Variants in TCF3 observed in about 807,000 individuals in gnomAD.
TCF3 encodes the protein transcription factor 3.
Under a neutral mutation model 72.3 loss-of-function variants are expected in TCF3, and 54 were observed. That is an observed-to-expected ratio of 0.75 (90% CI 0.60 to 0.94). The LOEUF (loss-of-function observed/expected upper bound fraction) is 0.94, where lower values mean the gene tolerates loss of function less well. Ranked by LOEUF, TCF3 falls within the 40% of genes least tolerant of loss-of-function variation. The probability of loss-of-function intolerance (pLI) is 0.00; values close to 1 mark genes in which losing one functional copy is unlikely to be tolerated. For missense variants in TCF3, 1,078 were observed against 934.4 expected (o/e 1.15, Z -2.00); for synonymous variants, 525 against 412.6 (o/e 1.27, Z -3.30).
At chr19:1,619,073 G>A in intron 16 of TCF3, 38 bp downstream of exon 16, 1 of 1,598,622 alleles carries the variant, frequency 6.3e-7, no homozygotes, top group Middle Eastern at 1.7e-4. Context: ...TCCCCAACTG[G>A]AACCAGGAGT....
rs1170347141 is a variant in TCF3, at chr19:1,621,056, G to C, written c.1015-10C>G. ...GATCCGGGGAGTAGATCTGCGAGGAGGACCAGGAGAGATGGGCGGTCAGGG... is the reference window on the plus strand; with the variant it reads ...GATCCGGGGAGTAGATCTGCGAGGACGACCAGGAGAGATGGGCGGTCAGGG... On this transcript the variant is annotated splice_polypyrimidine_tract_variant and intron_variant, in intron 12 of 18. Coordinates refer to ENST00000262965, the MANE Select transcript of TCF3 (RefSeq NM_003200.5). 2 of 1,522,872 alleles carry C rather than the reference G, an allele frequency of 1.3e-6. No individual in the cohort carries two copies. The highest frequency in any genetic ancestry group is 1.8e-6 in the Non-Finnish European group (2 of 1,128,688). 94.3% of individuals were successfully genotyped at this position (1,522,872 alleles called of 1,614,324 possible). A position where few individuals can be genotyped will look rare whatever the true frequency, so the allele number is the denominator to read the frequency against.
rs1011623043 is a variant in TCF3, at chr19:1,610,900, G to A, written c.*807C>T. 2.6e-5 allele frequency: 4 copies of A among 153,088 alleles called. No homozygotes were observed. Among genetic ancestry groups the A allele is most frequent in the East Asian group, 1.2e-4 (1 of 8,364 alleles). 9.5% of individuals were successfully genotyped at this position (153,088 alleles called of 1,614,324 possible). On this transcript the variant is annotated 3_prime_UTR_variant, in exon 19 of 19. Coordinates refer to ENST00000262965, the MANE Select transcript of TCF3 (RefSeq NM_003200.5). ...AACAAAAGACCCGCCGCCTGTCCCC[G>A]TTCTGTCTGTGTGCAGTGGCTTCCG...
At chr19:1,633,426 C>T (rs947682709) in intron 3 of TCF3, among the ~76,000 whole-genome samples, 3 of 152,172 alleles carry the variant, frequency 2.0e-5, no homozygotes, top group African/African-American at 7.2e-5. Flanking sequence ...CTGTGACCGG[C>T]ACCACCTCAG....
chr19:1,610,630 G>A lies in TCF3; in HGVS notation c.*1077C>T, dbSNP rs1273889524. The A allele has an allele frequency of 1.3e-5, 3 of 231,126 alleles. No individual in the cohort carries two copies. The highest frequency in any genetic ancestry group is 6.6e-5 in the African/African-American group (3 of 45,170). 14.3% of individuals were successfully genotyped at this position (231,126 alleles called of 1,614,324 possible). A position where few individuals can be genotyped will look rare whatever the true frequency, so the allele number is the denominator to read the frequency against. On this transcript the variant is annotated 3_prime_UTR_variant, in exon 19 of 19. Transcript: ENST00000262965. ...TTTCAGAGAGCTGTGCAGGTTCCAAGGGAGAGCAGCTTAGGGGGGCCTGGG... is the reference window on the plus strand; with the variant it reads ...TTTCAGAGAGCTGTGCAGGTTCCAAAGGAGAGCAGCTTAGGGGGGCCTGGG...
At chr19:1,621,262 G>A (rs116208576) in intron 11 of TCF3, 71 bp from the exon 12 acceptor site, 30,285 of 1,490,054 alleles carry the variant, frequency 0.02, 398 homozygotes, top group Non-Finnish European at 0.025. Context: ...GCTCTCCTGC[G>A]TTCTGCCGTC....
chr19:1,629,469 T>A lies in TCF3; in HGVS notation c.299-2043A>T, dbSNP rs10413713. Among the ~76,000 whole-genome samples the A allele has an allele frequency of 4.5e-3, 686 of 150,810 alleles. 2 individuals carry two copies. Among genetic ancestry groups the A allele is most frequent in the African/African-American group, 0.016 (648 of 40,844 alleles). On this transcript the variant is annotated intron_variant, in intron 5 of 18. Coordinates refer to ENST00000262965, the MANE Select transcript of TCF3 (RefSeq NM_003200.5). Reference sequence around the variant, plus strand: ...TGAGGCCTCGGGGCTACGGAGGGGGTCAGCTGGCCAGGGCGAGCCCCCAGC... The same window carrying A: ...TGAGGCCTCGGGGCTACGGAGGGGGACAGCTGGCCAGGGCGAGCCCCCAGC...
Position 1,627,427 on chromosome 19 carries a change from C to T in TCF3, c.299-1G>A. On this transcript the variant is annotated splice_acceptor_variant, in intron 5 of 18. Transcript: ENST00000262965. LOFTEE classifies it high-confidence loss of function. ...TAGGCGCCCCGCTCACCGCTCTTGC[C>T]TGCAAGGGGAGAAGGAAGGTTAGTG... The T allele has an allele frequency of 6.2e-7, 1 of 1,611,862 alleles. No homozygotes were observed. Among genetic ancestry groups the T allele is most frequent in the Non-Finnish European group, 8.5e-7 (1 of 1,179,622 alleles).
intron 3 of TCF3, among the ~76,000 whole-genome samples, chr19:1,645,485 C>A (rs1194752473): frequency 1.3e-5 from 2 of 152,204 alleles, no homozygotes; most frequent in Non-Finnish European, 2.9e-5. Flanking sequence ...TAGCCCGCCC[C>A]GCCGGCCGGT....
intron 5 of TCF3, among the ~76,000 whole-genome samples, chr19:1,630,937 G>T (rs747060448): frequency 4.6e-5 from 7 of 152,252 alleles, no homozygotes; most frequent in Non-Finnish European, 1.0e-4. Context: ...ACGGGACACT[G>T]TCCCAGTCGC....
At position 1,621,120 on chromosome 19, in the gene TCF3, C is replaced by A. The variant is rs1405451427; in HGVS notation, c.1014+13G>T. The A allele has an allele frequency of 3.2e-6, 5 of 1,539,408 alleles. No individual in the cohort carries two copies. Among genetic ancestry groups the A allele is most frequent in the Non-Finnish European group, 4.4e-6 (5 of 1,141,240 alleles). ...GTCACTTGCCTGGCCACCCCCCATG[C>A]CCCACGCCTCACCGAGGCCAGTGCT... On this transcript the variant is annotated intron_variant, in intron 12 of 18. Transcript: ENST00000262965.
At chr19:1,643,557 C>T (rs1364765630) in intron 3 of TCF3, among the ~76,000 whole-genome samples, 4 of 152,008 alleles carry the variant, frequency 2.6e-5, no homozygotes, top group Admixed American at 1.3e-4. Context: ...TCTCAGTCAC[C>T]CAGGCTGGAG....
chr19:1,636,342 T>A (rs1473943616), intron 3 of TCF3, among the ~76,000 whole-genome samples: 1 of 152,124 alleles, frequency 6.6e-6, no homozygotes, highest in Non-Finnish European at 1.5e-5. Flanking sequence ...GTATTTTTAG[T>A]AGAGACGGGG....
rs201769197 is a variant in TCF3 at position 1,619,491 on chromosome 19, T to C, written c.1168-17A>G. The C allele has an allele frequency of 5.3e-5, 77 of 1,458,046 alleles. No homozygotes were observed. The highest frequency in any genetic ancestry group is 6.7e-5 in the Non-Finnish European group (72 of 1,072,234). 90.3% of individuals were successfully genotyped at this position (1,458,046 alleles called of 1,614,324 possible). The stretch of plus-strand genomic sequence containing the variant: ...CTTACTCTGCTGCAGGGTGGGGGGA[T>C]GGGTGGTGAGGGGCCCAAGCCGAGG... On this transcript the variant is annotated splice_polypyrimidine_tract_variant and intron_variant, in intron 14 of 18. Transcript: ENST00000262965.
chr19:1,639,617 T>A (rs2064949389), intron 3 of TCF3, among the ~76,000 whole-genome samples: 1 of 151,902 alleles, frequency 6.6e-6, no homozygotes, highest in Non-Finnish European at 1.5e-5. Context: ...GCAGAGGAGC[T>A]CTGCGTCCTC....
intron 2 of TCF3, among the ~76,000 whole-genome samples, chr19:1,649,358 G>A (rs1272478069): frequency 6.6e-6 from 1 of 152,258 alleles, no homozygotes; most frequent in East Asian, 1.9e-4. Context: ...CCCGTATGGG[G>A]CAGGTTGTGT....
intron 6 of TCF3, 148 bp from the exon 7 acceptor site, chr19:1,625,856 G>T: frequency 9.6e-7 from 1 of 1,036,306 alleles, no homozygotes; most frequent in Non-Finnish European, 1.3e-6. Flanking sequence ...GTTTCTCTGT[G>T]ACACCTGCTG....
intron 18 of TCF3, 151 bp from the exon 19 acceptor site, chr19:1,612,000 T>C (rs1261304193): frequency 5.5e-6 from 4 of 727,216 alleles, no homozygotes; most frequent in Non-Finnish European, 6.4e-6. Flanking sequence ...CCTCCTTCCT[T>C]GAGAAGGCTG....
intron 18 of TCF3, among the ~76,000 whole-genome samples, chr19:1,612,633 T>C (rs772653647): frequency 6.1e-5 from 9 of 148,220 alleles, no homozygotes; most frequent in African/African-American, 1.5e-4. Context: ...CACAGCAGTG[T>C]GGGTACACGG....
intron 1 of TCF3, chr19:1,651,059 A>G (rs887736507): frequency 3.5e-5 from 8 of 231,478 alleles, no homozygotes; most frequent in African/African-American, 6.6e-5. Flanking sequence ...CCTGCCCTCC[A>G]TGAGCGGGGA....
Sources: gnomAD v4.1 joint callset for allele counts (sites outside exome capture counted in the v4.1 genomes callset) on GRCh38, gnomAD v4.1.1 for gene constraint, MANE v1.5 for transcripts, NCBI Gene and HGNC (gene_info 2026-07-23, HGNC 2026-07-21) for gene names.